The following PHF21A variants were observed in gnomAD, a reference collection of about 807,000 sequenced individuals.
PHF21A encodes the protein PHD finger protein 21A.
In PHF21A, 11 loss-of-function variants were observed where a neutral mutation model predicts 82.5. The observed-to-expected ratio is 0.13, with a 90% CI of 0.08 to 0.22. The LOEUF is 0.22. Among genes scored for constraint, PHF21A ranks in the 10% least tolerant of loss-of-function variants. The pLI, the probability that PHF21A is intolerant of heterozygous loss-of-function variation, is 1.00. For synonymous variants in PHF21A, 297 were observed against 302.8 expected, an observed-to-expected ratio of 0.98 and a Z score of 0.20; for missense variants, 579 against 837.8, an observed-to-expected ratio of 0.69 and a Z score of 3.81.
chr11:46,104,345 T>A (rs2097131038), intron 1 of PHF21A, among the ~76,000 whole-genome samples: 2 of 152,158 alleles, frequency 1.3e-5, no homozygotes, highest in Non-Finnish European at 2.9e-5. Flanking sequence ...CTGACTTGAT[T>A]CTAAGAGACC....
At chr11:45,964,319 G>A (rs915159801) in intron 10 of PHF21A, among the ~76,000 whole-genome samples, 1 of 151,826 alleles carries the variant, frequency 6.6e-6, no homozygotes, top group African/African-American at 2.4e-5. Flanking sequence ...TGTTTCCTAA[G>A]CACAGATTTT....
intron 1 of PHF21A, among the ~76,000 whole-genome samples, chr11:46,120,161 G>C (rs1852718494): frequency 6.7e-6 from 1 of 149,520 alleles, no homozygotes; most frequent in South Asian, 2.1e-4. Context: ...ACACACACTG[G>C]GGCCCGGCAG....
intron 6 of PHF21A, among the ~76,000 whole-genome samples, chr11:46,029,373 C>T (rs770729838): frequency 6.6e-6 from 1 of 152,066 alleles, no homozygotes; most frequent in Non-Finnish European, 1.5e-5. Flanking sequence ...TTCTATATTC[C>T]CTTTGAGTTT....
At chr11:46,075,856 A>C (rs2096718389) in intron 6 of PHF21A, among the ~76,000 whole-genome samples, 1 of 152,250 alleles carries the variant, frequency 6.6e-6, no homozygotes, top group Admixed American at 6.5e-5. Flanking sequence ...TATTTCACTA[A>C]ATAACATTAA....
At position 45,931,923 on chromosome 11, in the gene PHF21A, C is replaced by T. The variant is rs368514544; in HGVS notation, c.*2045G>A. 1 of 152,316 alleles carries T rather than the reference C, an allele frequency of 6.6e-6. No individual in the cohort carries two copies. 9.4% of individuals were successfully genotyped at this position (152,316 alleles called of 1,614,324 possible). Reference sequence around the variant, plus strand: ...GAGGCCACAACCGGCCAAGCCGAGGCAAGCGCAGCAATTCTAGCCCAGGGT... The same window carrying T: ...GAGGCCACAACCGGCCAAGCCGAGGTAAGCGCAGCAATTCTAGCCCAGGGT... On this transcript the variant is annotated 3_prime_UTR_variant, in exon 19 of 19. Coordinates refer to ENST00000676320, the MANE Select transcript of PHF21A (RefSeq NM_001352027.3).
chr11:45,951,655 TG>T (rs1192275187), intron 11 of PHF21A, among the ~76,000 whole-genome samples: 1 of 152,222 alleles, frequency 6.6e-6, no homozygotes, highest in African/African-American at 2.4e-5. Flanking sequence ...GTTCTTTTGA[TG>T]AAGCAGTGTG....
chr11:45,978,654 A>C (rs1399554660), intron 7 of PHF21A, among the ~76,000 whole-genome samples: 2 of 152,180 alleles, frequency 1.3e-5, no homozygotes, highest in African/African-American at 4.8e-5. Context: ...AGTGTGCAAA[A>C]ATGAGTGTAT....
At chr11:46,115,273 T>G (rs1050371307) in intron 1 of PHF21A, among the ~76,000 whole-genome samples, 5 of 152,166 alleles carry the variant, frequency 3.3e-5, no homozygotes, top group African/African-American at 1.2e-4. Flanking sequence ...TTCTAAAAGC[T>G]TTGGAAGAGT....
intron 5 of PHF21A, 60 bp downstream of exon 5, chr11:46,079,074 G>T (rs1592917779): frequency 9.5e-7 from 1 of 1,055,816 alleles, no homozygotes; most frequent in Non-Finnish European, 1.4e-6. Context: ...ATTTTATGGT[G>T]ATTTTATTTT....
intron 1 of PHF21A, among the ~76,000 whole-genome samples, chr11:46,098,300 A>G (rs1052499949): frequency 2.0e-5 from 3 of 152,242 alleles, no homozygotes; most frequent in Non-Finnish European, 4.4e-5. Flanking sequence ...TGTAGTGTCT[A>G]AGTTCTAAAA....
intron 6 of PHF21A, among the ~76,000 whole-genome samples, chr11:46,000,788 T>C (rs535302180): frequency 2.8e-4 from 43 of 151,912 alleles, no homozygotes; most frequent in African/African-American, 9.9e-4. Context: ...GGTGTGGTGG[T>C]GGGTGCCTGT....
rs2089100236 is a variant in PHF21A, at chr11:45,936,548, T to C, written c.1630A>G (p.Ile544Val). 1.9e-6 allele frequency: 3 copies of C among 1,613,014 alleles called. No homozygotes were observed. The highest frequency in any genetic ancestry group is 2.2e-5 in the East Asian group (1 of 44,872). The change falls in exon 17 of 19, where the codon ATT becomes GTT. Residue 544 changes from isoleucine to valine, a missense_variant. Physicochemically the swap from Ile to Val is conservative, Grantham distance 29. Transcript: ENST00000676320. ...ATTGCTAAAGTTCCAGGCCATGGAA[T>C]TGCTTCTTCCTTCTTCAGCATCTGA... ...QDQMLKKEEAIPWPGTLAIVH... is the reference protein window; with the variant it reads ...QDQMLKKEEAVPWPGTLAIVH...
At chr11:46,039,657 C>A (rs892860224) in intron 6 of PHF21A, among the ~76,000 whole-genome samples, 1 of 152,044 alleles carries the variant, frequency 6.6e-6, no homozygotes, top group African/African-American at 2.4e-5. Context: ...TTTAGATCTA[C>A]GAAGGCTGAA....
intron 8 of PHF21A, chr11:45,970,804 G>A: frequency 3.3e-6 from 1 of 304,932 alleles, no homozygotes; most frequent in Non-Finnish European, 6.2e-6. Context: ...TGTAGAGAGA[G>A]TGAAGGGAGA....
At chr11:46,097,970 A>G (rs1465978610) in intron 1 of PHF21A, among the ~76,000 whole-genome samples, 2 of 152,216 alleles carry the variant, frequency 1.3e-5, no homozygotes, top group African/African-American at 4.8e-5. Context: ...TGTCTTATTT[A>G]GAACCCATAG....
intron 6 of PHF21A, among the ~76,000 whole-genome samples, chr11:46,063,987 T>A (rs774327820): frequency 2.6e-5 from 4 of 152,174 alleles, no homozygotes; most frequent in Non-Finnish European, 5.9e-5. Context: ...TAAAATCACA[T>A]ACTCAGAAAA....
intron 6 of PHF21A, among the ~76,000 whole-genome samples, chr11:46,046,909 G>T (rs1177904026): frequency 6.6e-6 from 1 of 152,192 alleles, no homozygotes; most frequent in Non-Finnish European, 1.5e-5. Flanking sequence ...TGAGTCAAAA[G>T]TGTATATTCA....
chr11:46,118,630 A>T (rs1852079566), intron 1 of PHF21A: 1 of 152,182 alleles, frequency 6.6e-6, no homozygotes, highest in Admixed American at 6.5e-5. Flanking sequence ...GGGATTTGAA[A>T]ATGTATTTTT....
In PHF21A at chr11:46,007,310, C is replaced by A. The variant is rs569379551; in HGVS notation, c.154-27344G>T. On this transcript the variant is annotated intron_variant, in intron 6 of 18. Coordinates refer to ENST00000676320, the MANE Select transcript of PHF21A (RefSeq NM_001352027.3). ...GAAGATACTTCCATCTACCTTTTTT[C>A]TTCTTCTTCTTTTTTTTTTTTTCGA... Among the ~76,000 whole-genome samples the A allele has an allele frequency of 9.0e-4, 137 of 151,608 alleles. 4 individuals carry two copies. In the South Asian group the frequency reaches 0.027, roughly 30 times the overall value.
Sources: allele counts gnomAD v4.1 joint callset (sites outside exome capture counted in the v4.1 genomes callset), GRCh38; gene constraint gnomAD v4.1.1; transcripts MANE v1.5; gene names NCBI Gene and HGNC (gene_info 2026-07-23, HGNC 2026-07-21).